Variants in RELN observed in about 807,000 individuals in gnomAD.
RELN encodes reelin.
In RELN, 108 loss-of-function variants were observed where a neutral mutation model predicts 427.6. That is an observed-to-expected ratio of 0.25 (90% CI 0.22 to 0.30). The LOEUF (loss-of-function observed/expected upper bound fraction) is 0.30. Ranked by LOEUF, RELN falls within the 10% of genes least tolerant of loss-of-function variation. The pLI is 1.00. For missense variants in RELN, 3,715 were observed against 4,302.8 expected (o/e 0.86, Z 3.82); for synonymous variants, 1,524 against 1,513.4 (o/e 1.01, Z -0.16).
intron 1 of RELN, among the ~76,000 whole-genome samples, chr7:103,971,516 A>G (rs1410414982): frequency 6.6e-6 from 1 of 152,248 alleles, no homozygotes; most frequent in Non-Finnish European, 1.5e-5. Flanking sequence ...AGAAGGAAAA[A>G]TAAAACAATT....
intron 11 of RELN, among the ~76,000 whole-genome samples, chr7:103,671,821 A>C (rs1303935056): frequency 6.6e-6 from 1 of 152,072 alleles, no homozygotes; most frequent in Non-Finnish European, 1.5e-5. Context: ...GGGCTCCATA[A>C]ATTTATTATT....
intron 16 of RELN, among the ~76,000 whole-genome samples, chr7:103,647,135 C>T (rs1832814002): frequency 1.3e-5 from 2 of 152,012 alleles, no homozygotes; most frequent in South Asian, 4.1e-4. Context: ...AGCACTCCCT[C>T]TAAGAACTGG....
chr7:103,742,622 G>C (rs1166769516), intron 6 of RELN, among the ~76,000 whole-genome samples: 1 of 152,218 alleles, frequency 6.6e-6, no homozygotes, highest in Non-Finnish European at 1.5e-5. Flanking sequence ...GACGAATGCA[G>C]AAGCCTCAGT....
intron 8 of RELN, among the ~76,000 whole-genome samples, chr7:103,704,378 A>T (rs1427111859): frequency 6.6e-6 from 1 of 152,218 alleles, no homozygotes. Flanking sequence ...TATTAGGTTA[A>T]CAATGTAAAA....
At chr7:103,884,599 C>A (rs1420312984) in intron 2 of RELN, among the ~76,000 whole-genome samples, 1 of 151,910 alleles carries the variant, frequency 6.6e-6, no homozygotes, top group African/African-American at 2.4e-5. Context: ...AAAAACAAAC[C>A]ACCCCATCAA....
chr7:103,540,546 A>T (rs1160014139), intron 43 of RELN, 91 bp from the exon 44 acceptor site: 1 of 1,171,846 alleles, frequency 8.5e-7, no homozygotes, highest in African/African-American at 1.5e-5. Context: ...ATGCAGGGGA[A>T]CGAAAGGCCT....
chr7:103,546,392 C>G (rs751874140), intron 41 of RELN, among the ~76,000 whole-genome samples: 8 of 152,190 alleles, frequency 5.3e-5, no homozygotes, highest in Non-Finnish European at 1.2e-4. Context: ...TTTGTTTACC[C>G]ATTCATTAGT....
At chr7:103,882,138 G>T (rs1306933787) in intron 2 of RELN, among the ~76,000 whole-genome samples, 1 of 152,182 alleles carries the variant, frequency 6.6e-6, no homozygotes, top group African/African-American at 2.4e-5. Context: ...TGAAAGAAAA[G>T]GAGAAATAAT....
chr7:103,703,008 G>A (rs1253634066), intron 8 of RELN, among the ~76,000 whole-genome samples: 1 of 152,066 alleles, frequency 6.6e-6, no homozygotes, highest in Admixed American at 6.5e-5. Flanking sequence ...TTATCTTGAA[G>A]CATTCATCAT....
chr7:103,965,156 T>C (rs1196895475), intron 1 of RELN, among the ~76,000 whole-genome samples: 1 of 152,232 alleles, frequency 6.6e-6, no homozygotes, highest in African/African-American at 2.4e-5. Context: ...ATTACTTGCA[T>C]AGACCTTAAG....
At chr7:103,741,713 C>G (rs1271542597) in intron 6 of RELN, among the ~76,000 whole-genome samples, 3 of 151,550 alleles carry the variant, frequency 2.0e-5, no homozygotes, top group Non-Finnish European at 4.4e-5. Flanking sequence ...GAGAGGAAGG[C>G]AGAGACGAAA....
At chr7:103,817,337 C>T (rs1490398546) in intron 3 of RELN, among the ~76,000 whole-genome samples, 1 of 152,076 alleles carries the variant, frequency 6.6e-6, no homozygotes, top group Non-Finnish European at 1.5e-5. Flanking sequence ...TTTATAAATC[C>T]ATTAATTGAG....
intron 3 of RELN, among the ~76,000 whole-genome samples, chr7:103,792,754 ATAGTT>A (rs1429564528): frequency 6.6e-6 from 1 of 152,090 alleles, no homozygotes; most frequent in Non-Finnish European, 1.5e-5. Flanking sequence ...ACCTAATTGT[ATAGTT>A]TAAAGGGATA....
chr7:103,532,149 G>C (rs573935390), intron 46 of RELN, among the ~76,000 whole-genome samples: 1 of 152,310 alleles, frequency 6.6e-6, no homozygotes, highest in Admixed American at 6.5e-5. Context: ...CAGGGATGTG[G>C]ATGGAGCTGG....
At chr7:103,712,158 C>T (rs181939759) in intron 8 of RELN, among the ~76,000 whole-genome samples, 140 of 152,270 alleles carry the variant, frequency 9.2e-4, no homozygotes, top group Non-Finnish European at 1.3e-4. Context: ...AGCACACGAA[C>T]CTGCAGCAAT....
chr7:103,711,529 A>C (rs1347996409), intron 8 of RELN, among the ~76,000 whole-genome samples: 5 of 152,206 alleles, frequency 3.3e-5, no homozygotes, highest in African/African-American at 1.2e-4. Flanking sequence ...AAGACTTTGA[A>C]ATTTTTGAAA....
chr7:103,907,793 A>AT (rs1012865461), intron 2 of RELN, among the ~76,000 whole-genome samples: 1 of 22,984 alleles, frequency 4.4e-5, no homozygotes, highest in African/African-American at 1.4e-4. Flanking sequence ...AAAAAAACTT[A>AT]TTTTTTTTTA....
intron 3 of RELN, among the ~76,000 whole-genome samples, chr7:103,788,978 C>G (rs1021485951): frequency 6.6e-6 from 1 of 152,052 alleles, no homozygotes; most frequent in African/African-American, 2.4e-5. Flanking sequence ...GGTACTGGTA[C>G]CAAAACAACA....
At chr7:103,860,663 G>A (rs1584306207) in intron 2 of RELN, among the ~76,000 whole-genome samples, 1 of 152,062 alleles carries the variant, frequency 6.6e-6, no homozygotes, top group Admixed American at 6.6e-5. Context: ...CACCTGTCTC[G>A]GCCTCCCAAA....
Sources: gnomAD v4.1 joint callset for allele counts (sites outside exome capture counted in the v4.1 genomes callset) on GRCh38, gnomAD v4.1.1 for gene constraint, MANE v1.5 for transcripts, NCBI Gene and HGNC (gene_info 2026-07-23, HGNC 2026-07-21) for gene names.